PCSK5: variants seen among roughly 807,000 people sequenced by gnomAD.
PCSK5 encodes the protein prohormone convertase 5.
A neutral mutation model predicts 233.2 loss-of-function variants in PCSK5; 129 were observed. That is an observed-to-expected ratio of 0.55 (90% CI 0.48 to 0.64). PCSK5 has a LOEUF of 0.64. Ranked by LOEUF, PCSK5 falls within the 30% of genes least tolerant of loss-of-function variation. The pLI, the probability that PCSK5 is intolerant of heterozygous loss-of-function variation, is 0.00. For missense variants in PCSK5, 2,076 were observed against 2,430.1 expected (o/e 0.85, Z 3.06); for synonymous variants, 825 against 879.2 (o/e 0.94, Z 1.09).
intron 3 of PCSK5, among the ~76,000 whole-genome samples, chr9:76,015,511 A>C (rs1036611222): frequency 6.6e-6 from 1 of 152,258 alleles, no homozygotes. Flanking sequence ...TATAATAATC[A>C]TACAGCACAA....
intron 1 of PCSK5, among the ~76,000 whole-genome samples, chr9:75,905,880 CGT>C (rs1826246384): frequency 6.6e-6 from 1 of 152,144 alleles, no homozygotes; most frequent in Non-Finnish European, 1.5e-5. Context: ...AATTTTCTTC[CGT>C]GAAACCGGTC....
chr9:76,233,865 G>T (rs552972202), intron 22 of PCSK5, among the ~76,000 whole-genome samples: 20 of 152,118 alleles, frequency 1.3e-4, no homozygotes, highest in African/African-American at 4.6e-4. Flanking sequence ...AGAGAAGGAC[G>T]TAGAAGCATG....
intron 20 of PCSK5, among the ~76,000 whole-genome samples, chr9:76,225,415 C>G (rs1030710166): frequency 1.3e-5 from 2 of 152,154 alleles, no homozygotes; most frequent in African/African-American, 4.8e-5. Flanking sequence ...CCTCTCCATT[C>G]TTGTTCCACT....
intron 2 of PCSK5, among the ~76,000 whole-genome samples, chr9:75,935,570 A>G (rs909200127): frequency 1.2e-4 from 19 of 152,178 alleles, no homozygotes; most frequent in Admixed American, 9.2e-4. Context: ...TAATCTACAG[A>G]CTTTATCCAA....
At chr9:76,088,895 A>G (rs930279085) in intron 7 of PCSK5, among the ~76,000 whole-genome samples, 13 of 151,692 alleles carry the variant, frequency 8.6e-5, no homozygotes, top group African/African-American at 2.9e-4. Context: ...AGTAGTTTTT[A>G]AAGGGGGTTT....
At chr9:76,312,700 A>C (rs1828898427) in intron 30 of PCSK5, among the ~76,000 whole-genome samples, 1 of 152,156 alleles carries the variant, frequency 6.6e-6, no homozygotes, top group African/African-American at 2.4e-5. Flanking sequence ...CAGCTCAACA[A>C]CACAGATTTA....
Position 75,890,675 on chromosome 9 carries a change from C to T in PCSK5, c.-507C>T, listed in dbSNP as rs571831074. The T allele has an allele frequency of 3.9e-3, 603 of 154,250 alleles. 3 individuals carry two copies. The highest frequency in any genetic ancestry group is 0.014 in the African/African-American group (566 of 41,664). The allele number at this position is 154,250 out of a possible 1,614,324, so 9.6% of individuals were successfully genotyped here. ...GCAGAGCAGGAGCTGCTGCCATTGC[C>T]ACTCAGAATCCTCGCGCGCTGCTCG... On this transcript the variant is annotated 5_prime_UTR_variant, in exon 1 of 38. Transcript: ENST00000674117.
At chr9:75,921,042 T>TA (rs1179154153) in intron 1 of PCSK5, among the ~76,000 whole-genome samples, 1 of 152,092 alleles carries the variant, frequency 6.6e-6, no homozygotes, top group Non-Finnish European at 1.5e-5. Flanking sequence ...AAAAAGTTGT[T>TA]AGAGATTTTT....
rs541898457 is a variant in PCSK5 at position 76,067,254 on chromosome 9, T to C, written c.633-701T>C. Among the ~76,000 whole-genome samples, 86 of 152,342 alleles carry C rather than the reference T, an allele frequency of 5.6e-4. 1 individual carries two copies. The highest frequency in any genetic ancestry group is 2.0e-3 in the African/African-American group (83 of 41,578). ...TAACAGAGAATGCTTTTTCTGTAAA[T>C]AATTTTTTTAATTTTCTAGTATCCA... On this transcript the variant is annotated intron_variant, in intron 5 of 37. Coordinates refer to ENST00000674117, the MANE Select transcript of PCSK5 (RefSeq NM_001372043.1).
At chr9:75,971,773 AG>A (rs1181506657) in intron 2 of PCSK5, among the ~76,000 whole-genome samples, 1 of 142,714 alleles carries the variant, frequency 7.0e-6, no homozygotes, top group East Asian at 2.6e-4. Flanking sequence ...ACTTTTTAAT[AG>A]GTTTTTTTTT....
intron 20 of PCSK5, among the ~76,000 whole-genome samples, chr9:76,216,580 T>G (rs1825541064): frequency 6.6e-6 from 1 of 152,148 alleles, no homozygotes. Flanking sequence ...GACCTGCCTT[T>G]CTGTCCAATA....
chr9:76,147,800 T>G (rs1382354244), intron 10 of PCSK5, among the ~76,000 whole-genome samples: 1 of 152,218 alleles, frequency 6.6e-6, no homozygotes, highest in Admixed American at 6.5e-5. Flanking sequence ...AATAAGGAAG[T>G]TGTGAAAGGT....
chr9:76,160,496 T>C (rs1400366910), intron 12 of PCSK5, among the ~76,000 whole-genome samples: 1 of 152,152 alleles, frequency 6.6e-6, no homozygotes, highest in Non-Finnish European at 1.5e-5. Context: ...CAGTGGCATA[T>C]ATAGTTCAAA....
chr9:75,930,197 G>T (rs1400532327), intron 1 of PCSK5, among the ~76,000 whole-genome samples: 1 of 152,166 alleles, frequency 6.6e-6, no homozygotes, highest in Admixed American at 6.6e-5. Context: ...CATGAGAACA[G>T]TATGGGGGGA....
At chr9:76,303,572 G>A (rs17062410) in intron 28 of PCSK5, among the ~76,000 whole-genome samples, 8,635 of 152,180 alleles carry the variant, frequency 0.057, 289 homozygotes, top group Middle Eastern at 0.071. Flanking sequence ...GATTTGCACG[G>A]TGTTCACTGT....
At chr9:75,959,838 A>G (rs1011188857) in intron 2 of PCSK5, among the ~76,000 whole-genome samples, 1 of 152,252 alleles carries the variant, frequency 6.6e-6, no homozygotes, top group Non-Finnish European at 1.5e-5. Flanking sequence ...GGGGAGAAAT[A>G]GGAATGAGTA....
At chr9:76,219,595 AATT>A (rs1396941853) in intron 20 of PCSK5, among the ~76,000 whole-genome samples, 1 of 152,086 alleles carries the variant, frequency 6.6e-6, no homozygotes, top group African/African-American at 2.4e-5. Flanking sequence ...CGCTCCTGAA[AATT>A]TCACCTGCCA....
At chr9:76,327,834 C>T (rs944782173) in intron 32 of PCSK5, among the ~76,000 whole-genome samples, 175 bp from the exon 33 acceptor site, 14 of 152,190 alleles carry the variant, frequency 9.2e-5, no homozygotes, top group Admixed American at 6.5e-4. Flanking sequence ...GAATGGTCCA[C>T]CCCAGAGCTC....
At chr9:76,349,562 T>G (rs2643321) in intron 35 of PCSK5, among the ~76,000 whole-genome samples, 63,892 of 152,054 alleles carry the variant, frequency 0.42, 15,254 homozygotes, top group East Asian at 0.56. Flanking sequence ...TATAAGTGAT[T>G]GAGCTCACAG....
Sources: allele counts gnomAD v4.1 joint callset (sites outside exome capture counted in the v4.1 genomes callset), GRCh38; gene constraint gnomAD v4.1.1; transcripts MANE v1.5; gene names NCBI Gene and HGNC (gene_info 2026-07-23, HGNC 2026-07-21).